RNF220: variants seen among roughly 807,000 people sequenced by gnomAD.
RNF220 encodes E3 ubiquitin-protein ligase RNF220.
Under a neutral mutation model 67.1 loss-of-function variants are expected in RNF220, and 7 were observed. The ratio of observed to expected loss-of-function variants is 0.10; its 90% confidence interval spans 0.06 to 0.20. The LOEUF (loss-of-function observed/expected upper bound fraction) is 0.20, where lower values mean the gene tolerates loss of function less well. Ranked by LOEUF, RNF220 falls within the 10% of genes least tolerant of loss-of-function variation. The pLI is 1.00. For missense variants in RNF220, 565 were observed against 740.3 expected, an observed-to-expected ratio of 0.76 and a Z score of 2.75; for synonymous variants, 270 against 283.2, an observed-to-expected ratio of 0.95 and a Z score of 0.47.
chr1:44,610,838 T>C (rs1371226842), intron 2 of RNF220, among the ~76,000 whole-genome samples: 1 of 151,714 alleles, frequency 6.6e-6, no homozygotes, highest in Non-Finnish European at 1.5e-5. Flanking sequence ...CTAGGAAGAG[T>C]ATGGGGTTGA....
intron 2 of RNF220, among the ~76,000 whole-genome samples, chr1:44,610,357 C>A (rs891297412): frequency 6.6e-6 from 1 of 152,222 alleles, no homozygotes; most frequent in Non-Finnish European, 1.5e-5. Flanking sequence ...CATCCTCTGC[C>A]GATAACACTG....
chr1:44,540,246 G>A (rs1661570099), intron 2 of RNF220, among the ~76,000 whole-genome samples: 1 of 152,210 alleles, frequency 6.6e-6, no homozygotes, highest in South Asian at 2.1e-4. Context: ...CAGGCAGACA[G>A]AGGAGAGAAC....
rs1243083772 is a variant in RNF220, at chr1:44,621,540, T to C, written c.759-1202T>C. On this transcript the variant is annotated intron_variant, in intron 3 of 14. Transcript: ENST00000361799. This position sits in a 1 kb window ranked among gnomAD's most constrained non-coding sequence, Gnocchi z 4.8. ...GACAATCAAAAATGTCTCCAGACAT[T>C]GCTGGATGTCCCCTGTGCAGGTGAA... is the stretch of plus-strand genomic sequence containing the variant. 1.3e-5 allele frequency among the ~76,000 whole-genome samples: 2 copies of C among 152,182 alleles called. No individual in the cohort carries two copies. Among genetic ancestry groups the C allele is most frequent in the African/African-American group, 4.8e-5 (2 of 41,438 alleles).
At chr1:44,435,218 A>G (rs764381958) in intron 2 of RNF220, among the ~76,000 whole-genome samples, 2 of 152,182 alleles carry the variant, frequency 1.3e-5, no homozygotes, top group Non-Finnish European at 2.9e-5. Flanking sequence ...GTCCAAGAAC[A>G]TTGACTTTGG....
rs1039460078 is a variant in RNF220 at position 44,624,454 on chromosome 1, C to T, written c.804+1667C>T. 6.6e-6 allele frequency among the ~76,000 whole-genome samples: 1 copy of T among 152,162 alleles called. No individual in the cohort carries two copies. The highest frequency in any genetic ancestry group is 2.4e-5 in the African/African-American group (1 of 41,434). On this transcript the variant is annotated intron_variant, in intron 4 of 14. Coordinates refer to ENST00000361799, the MANE Select transcript of RNF220 (RefSeq NM_018150.4). The surrounding 1 kb of genome is among the most constrained non-coding windows in gnomAD (Gnocchi z 4.2). ...AGGTCAGAATACAGACATAGGAAGT[C>T]TTAAAACATGTGTCCTGAAACCACA...
intron 2 of RNF220, among the ~76,000 whole-genome samples, chr1:44,426,257 C>T (rs922066138): frequency 6.6e-6 from 1 of 152,124 alleles, no homozygotes; most frequent in Admixed American, 6.5e-5. Context: ...AGAATCAAGT[C>T]GAAGAGGGCT....
intron 1 of RNF220, 59 bp downstream of exon 1, chr1:44,405,589 G>T: frequency 3.2e-6 from 1 of 313,552 alleles, no homozygotes; most frequent in Non-Finnish European, 5.9e-6. Context: ...GTGGGTGCGA[G>T]GGCGGCCGGC....
intron 2 of RNF220, among the ~76,000 whole-genome samples, chr1:44,452,094 C>T (rs1186019086): frequency 6.6e-6 from 1 of 152,208 alleles, no homozygotes; most frequent in African/African-American, 2.4e-5. Flanking sequence ...AGTCCCAACA[C>T]AATTAAATAG....
chr1:44,650,393 G>T lies in RNF220; in HGVS notation c.1630-311G>T, dbSNP rs1419591920. The stretch of plus-strand genomic sequence containing the variant: ...AGACAGTAATAAAAGGCTCGGACGT[G>T]GGCTCTGTGTCCTGATCAAAGGCCG... On this transcript the variant is annotated intron_variant, in intron 14 of 14. Transcript: ENST00000361799. The surrounding 1 kb of genome is among the most constrained non-coding windows in gnomAD (Gnocchi z 4.3). 1 of 489,046 alleles carries T rather than the reference G, an allele frequency of 2.0e-6. No individual in the cohort carries two copies. Among genetic ancestry groups the T allele is most frequent in the East Asian group, 3.5e-5 (1 of 28,184 alleles). 30.3% of individuals were successfully genotyped at this position (489,046 alleles called of 1,614,324 possible).
At chr1:44,474,617 G>A (rs1655128156) in intron 2 of RNF220, among the ~76,000 whole-genome samples, 1 of 151,100 alleles carries the variant, frequency 6.6e-6, no homozygotes, top group Admixed American at 6.6e-5. Context: ...GCTGAGGCAG[G>A]AATGTCACTT....
At chr1:44,569,049 A>G (rs1186746065) in intron 2 of RNF220, among the ~76,000 whole-genome samples, 2 of 152,154 alleles carry the variant, frequency 1.3e-5, no homozygotes, top group African/African-American at 4.8e-5. Context: ...CCAGCCCTTT[A>G]AACAGACCTT....
intron 2 of RNF220, among the ~76,000 whole-genome samples, chr1:44,563,032 T>G (rs907016958): frequency 1.6e-4 from 25 of 152,162 alleles, no homozygotes; most frequent in African/African-American, 6.0e-4. Flanking sequence ...AACATGGTAA[T>G]AAAAGTTCTC....
chr1:44,454,354 A>C (rs1327559833), intron 2 of RNF220, among the ~76,000 whole-genome samples: 1 of 152,096 alleles, frequency 6.6e-6, no homozygotes, highest in African/African-American at 2.4e-5. Flanking sequence ...TCAATTTGTA[A>C]ATTTATGTAT....
At chr1:44,597,504 ACACACACG>A (rs1381097539) in intron 2 of RNF220, among the ~76,000 whole-genome samples, 14 of 116,380 alleles carry the variant, frequency 1.2e-4, no homozygotes, top group African/African-American at 3.3e-4. Flanking sequence ...ACACACACAC[ACACACACG>A]AACCTCCCTC....
intron 2 of RNF220, among the ~76,000 whole-genome samples, chr1:44,552,808 A>G (rs1275224856): frequency 6.6e-6 from 1 of 151,778 alleles, no homozygotes; most frequent in Non-Finnish European, 1.5e-5. Context: ...TGACCTCGTG[A>G]TCCGCCCGCC....
intron 2 of RNF220, among the ~76,000 whole-genome samples, chr1:44,469,207 A>C (rs1326798227): frequency 2.0e-5 from 3 of 152,242 alleles, no homozygotes. Flanking sequence ...CTCTATTATT[A>C]GATGTGTTTA....
rs34268893 is a variant in RNF220 at position 44,482,920 on chromosome 1, C to CTTTTTTTTTTTT, written c.625+70212_625+70223dup. On this transcript the variant is annotated intron_variant, in intron 2 of 14. Transcript: ENST00000361799. ...GTAAGAGTGAGCCACCACACCCAGC[C>CTTTTTTTTTTTT]TTTTTTTTTTTTTTTTTTTTTTTTT... 7.2e-5 allele frequency among the ~76,000 whole-genome samples: 5 copies of CTTTTTTTTTTTT among 69,120 alleles called. 1 individual carries two copies. The highest frequency in any genetic ancestry group is 1.9e-4 in the African/African-American group (3 of 15,618). 45.3% of individuals were successfully genotyped at this position (69,120 alleles called of 152,430 possible).
At chr1:44,524,369 A>T in intron 2 of RNF220, among the ~76,000 whole-genome samples, 1 of 151,992 alleles carries the variant, frequency 6.6e-6, no homozygotes, top group East Asian at 1.9e-4. Flanking sequence ...CCTGTGTTTT[A>T]TGGAAGCAGG....
chr1:44,518,354 G>T (rs943194887), intron 2 of RNF220, among the ~76,000 whole-genome samples: 2 of 152,188 alleles, frequency 1.3e-5, no homozygotes, highest in African/African-American at 2.4e-5. Context: ...GAGCTCGGGA[G>T]TTGGAGGCTG....
Sources: gnomAD v4.1 joint callset for allele counts (sites outside exome capture counted in the v4.1 genomes callset) on GRCh38, gnomAD v4.1.1 for gene constraint, Gnocchi (gnomAD v3.1) non-coding constraint, MANE v1.5 for transcripts, NCBI Gene and HGNC (gene_info 2026-07-23, HGNC 2026-07-21) for gene names.